TMEM235: variants seen among roughly 807,000 people sequenced by gnomAD.
TMEM235 encodes the protein claudin-27.
TMEM235 carries 23 observed loss-of-function variants against 22.9 expected under a neutral mutation model. The ratio of observed to expected loss-of-function variants is 1.00; its 90% CI spans 0.72 to 1.42. The LOEUF is 1.42. Among genes scored for constraint, TMEM235 ranks in the 40% most tolerant of loss-of-function variants. The probability of loss-of-function intolerance (pLI) is 0.00; values close to 1 mark genes in which losing one functional copy is unlikely to be tolerated. For synonymous variants in TMEM235, 137 were observed against 140.5 expected (o/e 0.98, Z 0.17); for missense variants, 308 against 299.5 (o/e 1.03, Z -0.21).
intron 4 of TMEM235, among the ~76,000 whole-genome samples, chr17:78,236,638 C>A (rs147815876): frequency 0.012 from 1,792 of 152,332 alleles, 36 homozygotes; most frequent in African/African-American, 0.041. Flanking sequence ...CTAGGGGCTC[C>A]TGACAGTCTG....
intron 4 of TMEM235, among the ~76,000 whole-genome samples, chr17:78,236,620 A>G (rs551147472): frequency 6.6e-6 from 1 of 152,312 alleles, no homozygotes; most frequent in South Asian, 2.1e-4. Context: ...GCTGTTGCGG[A>G]AGGTGGACTA....
At chr17:78,240,394 A>C (rs2081109468) in exon 6 of TMEM235, 1 of 178,352 alleles carries the variant, frequency 5.6e-6, no homozygotes, top group Non-Finnish European at 1.2e-5. Context: ...GGAGGGGCTC[A>C]GTTTGCAGGC....
intron 5 of TMEM235, 139 bp downstream of exon 4, chr17:78,239,412 A>G (rs1306556500): frequency 9.3e-7 from 1 of 1,072,266 alleles, no homozygotes; most frequent in Non-Finnish European, 1.3e-6. Context: ...CAAGGGGTGG[A>G]GGGCAGAGCC....
Position 78,234,728 on chromosome 17 carries a change from G to GGAGT in TMEM235, c.409+3_409+6dup. On this transcript the variant is annotated frameshift_variant and splice_region_variant, in exon 4 of 6. Transcript: ENST00000421688. LOFTEE classifies it high-confidence loss of function. ...TTCACCGGCTGCTACTTCCTGCTGG[G>GGAGT]GAGTGAGTCTGGGGCCCTGGGGGAA... 6.5e-7 allele frequency: 1 copy of GGAGT among 1,536,144 alleles called. No homozygotes were observed. The highest frequency in any genetic ancestry group is 2.4e-5 in the East Asian group (1 of 40,914).
chr17:78,238,783 C>T lies in TMEM235; in HGVS notation c.410-241C>T, dbSNP rs1599047174. On this transcript the variant is annotated intron_variant, in intron 4 of 5. Transcript: ENST00000421688. The surrounding 1 kb of genome is among the most constrained non-coding windows in gnomAD (Gnocchi z 4.3). ...ATTGGAGCCTCTTAAAGCTCCACTC[C>T]GCCAAATGCAGTTGACTACCTTTAG... Among the ~76,000 whole-genome samples, 3 of 151,888 alleles carry T rather than the reference C, an allele frequency of 2.0e-5. No homozygotes were observed. Among genetic ancestry groups the T allele is most frequent in the Non-Finnish European group, 4.4e-5 (3 of 67,966 alleles).
chr17:78,240,619 A>C (rs952374925), exon 6 of TMEM235: 1 of 152,858 alleles, frequency 6.5e-6, no homozygotes, highest in Non-Finnish European at 1.5e-5. Flanking sequence ...GCCCTTCCCG[A>C]GTCTTGAGAG....
exon 2 of TMEM235, chr17:78,231,856 CA>C: frequency 8.6e-7 from 1 of 1,159,722 alleles, no homozygotes; most frequent in Non-Finnish European, 1.1e-6. Flanking sequence ...CCTGCGACCC[CA>C]GGGGGCCCGC....
rs1257049027 is a variant in TMEM235, at chr17:78,237,793, GCTGC to G, written c.410-1229_410-1226del. On this transcript the variant is annotated intron_variant, in intron 4 of 5. Coordinates refer to ENST00000421688, the Ensembl canonical transcript of TMEM235. This position sits in a 1 kb window ranked among gnomAD's most constrained non-coding sequence, Gnocchi z 4.7. ...ATAAATCCATAATTTCTGTTGCTAC[GCTGC>G]CCAGCCGGGCAGGCATCCGTGTGTC... 6.6e-6 allele frequency among the ~76,000 whole-genome samples: 1 copy of G among 152,084 alleles called. No homozygotes were observed. The highest frequency in any genetic ancestry group is 1.5e-5 in the Non-Finnish European group (1 of 68,006).
At chr17:78,239,438 C>T (rs2076684609) in intron 5 of TMEM235, among the ~76,000 whole-genome samples, 165 bp downstream of exon 4, 1 of 152,202 alleles carries the variant, frequency 6.6e-6, no homozygotes, top group Non-Finnish European at 1.5e-5. Context: ...TCCAGCTCCT[C>T]ATGTTTCTCT....
chr17:78,234,142 C>T lies in TMEM235; in HGVS notation c.271+167C>T. Reference sequence around the variant, plus strand: ...AGTGCTGTGCTGCTGTCCCTAACCACAGGTGCCCAGCTCCCAGCCTATCCT... The same window carrying T: ...AGTGCTGTGCTGCTGTCCCTAACCATAGGTGCCCAGCTCCCAGCCTATCCT... On this transcript the variant is annotated intron_variant, in intron 3 of 5. Transcript: ENST00000421688. 4.2e-6 allele frequency: 3 copies of T among 711,570 alleles called. No homozygotes were observed. The Admixed American group carries it at 6.2e-5, about 15-fold the overall frequency. The allele number at this position is 711,570 out of a possible 1,614,324, so 44.1% of individuals were successfully genotyped here. A position where few individuals can be genotyped will look rare whatever the true frequency, so the allele number is the denominator to read the frequency against.
rs2076620516 is a variant in TMEM235 at position 78,234,490 on chromosome 17, G to A, written c.272-103G>A. On this transcript the variant is annotated intron_variant, in intron 3 of 5. Transcript: ENST00000421688. Reference sequence around the variant, plus strand: ...GTGTCCACAGAGATGGGCGTCAGCCGCTTTTCCTGAGAAGACGAAGCACCA... The same window carrying A: ...GTGTCCACAGAGATGGGCGTCAGCCACTTTTCCTGAGAAGACGAAGCACCA... 32 of 1,489,620 alleles carry A rather than the reference G, an allele frequency of 2.1e-5. 1 individual carries two copies. The highest frequency in any genetic ancestry group is 1.3e-4 in the South Asian group (11 of 81,544). The allele number at this position is 1,489,620 out of a possible 1,614,324, so 92.3% of individuals were successfully genotyped here. A position where few individuals can be genotyped will look rare whatever the true frequency, so the allele number is the denominator to read the frequency against.
At chr17:78,234,304 C>T (rs182948361) in intron 3 of TMEM235, 1 of 691,594 alleles carries the variant, frequency 1.4e-6, no homozygotes, top group Non-Finnish European at 2.6e-6. Flanking sequence ...CTCGATTCTT[C>T]CAGATGGCCT....
chr17:78,236,103 A>G (rs1027730599), intron 4 of TMEM235, among the ~76,000 whole-genome samples: 3 of 152,198 alleles, frequency 2.0e-5, no homozygotes, highest in African/African-American at 7.2e-5. Context: ...GCACCGTGAT[A>G]GGAGCAGGGC....
At chr17:78,240,088 A>G in exon 6 of TMEM235, 1 of 1,408,580 alleles carries the variant, frequency 7.1e-7, no homozygotes, top group Non-Finnish European at 9.4e-7. Flanking sequence ...GTCCTGGCAC[A>G]GGCTGCTGCT....
At chr17:78,231,942 C>CCCCGGCT (rs1185701960) in exon 2 of TMEM235, 102 of 1,019,642 alleles carry the variant, frequency 1.0e-4, no homozygotes, top group East Asian at 4.3e-4. Context: ...GCCCCCCGTC[C>CCCCGGCT]CCCGGCTCCC....
rs149403101 is a variant in TMEM235, at chr17:78,238,695, G to A, written c.410-329G>A. On this transcript the variant is annotated intron_variant, in intron 4 of 5. Coordinates refer to ENST00000421688, the Ensembl canonical transcript of TMEM235. The surrounding 1 kb of genome is among the most constrained non-coding windows in gnomAD (Gnocchi z 4.3). ...GTTATGTGAGTGGGAACCATGTTGA[G>A]GGGCAGGTGGCACTGTTTGCAGGAG... Among the ~76,000 whole-genome samples, 300 of 151,974 alleles carry A rather than the reference G, an allele frequency of 2.0e-3. No homozygotes were observed. Among genetic ancestry groups the A allele is most frequent in the Admixed American group, 3.5e-3 (53 of 15,252 alleles).
chr17:78,239,651 C>T (rs916864647), intron 5 of TMEM235, 129 bp from the exon 5 acceptor site: 4 of 1,446,864 alleles, frequency 2.8e-6, no homozygotes, highest in African/African-American at 2.9e-5. Context: ...TAGTGAGTCA[C>T]TGCTGCCCCC....
exon 5 of TMEM235, chr17:78,239,056 A>T: frequency 1.3e-6 from 2 of 1,543,776 alleles, no homozygotes; most frequent in South Asian, 2.4e-5. Flanking sequence ...CAGCATCTAC[A>T]TCAGCTACTC....
exon 2 of TMEM235, chr17:78,232,148 G>A (rs755109457): frequency 1.1e-4 from 164 of 1,487,410 alleles, no homozygotes; most frequent in Non-Finnish European, 1.4e-4. Context: ...GCCGGCAATG[G>A]CAGCGCCTGG....
Sources: gnomAD v4.1 joint callset for allele counts (sites outside exome capture counted in the v4.1 genomes callset) on GRCh38, gnomAD v4.1.1 for gene constraint, Gnocchi (gnomAD v3.1) non-coding constraint, MANE v1.5 for transcripts, NCBI Gene and HGNC (gene_info 2026-07-23, HGNC 2026-07-21) for gene names.